Variants in TBX1 observed in about 807,000 individuals in gnomAD.
TBX1 encodes T-box transcription factor TBX1.
A neutral mutation model predicts 40.8 loss-of-function variants in TBX1; 16 were observed. The ratio of observed to expected loss-of-function variants is 0.39; its 90% CI spans 0.27 to 0.60. The LOEUF (loss-of-function observed/expected upper bound fraction) is 0.60, where lower values mean the gene tolerates loss of function less well. TBX1 is among the 20% of genes least tolerant of loss of function. The pLI is 0.51. For synonymous variants in TBX1, 403 were observed against 336.8 expected, an observed-to-expected ratio of 1.20 and a Z score of -2.15; for missense variants, 755 against 728.5, an observed-to-expected ratio of 1.04 and a Z score of -0.42.
At chr22:19,764,107 C>T (rs1487706602) in intron 2 of TBX1, 48 bp from the exon 3 acceptor site, 2 of 1,608,226 alleles carry the variant, frequency 1.2e-6, no homozygotes. Flanking sequence ...GGGTCAAGGC[C>T]CTCTGGGTTC....
At chr22:19,782,589 G>C (rs1014176492), downstream of TBX1, among the ~76,000 whole-genome samples, 1 of 152,154 alleles carries the variant, frequency 6.6e-6, no homozygotes, top group South Asian at 2.1e-4. Flanking sequence ...TGCCTGGTGT[G>C]TTGGGACAAG....
At chr22:19,778,784 C>T (rs910021621) in intron 8 of TBX1, among the ~76,000 whole-genome samples, 12 of 151,906 alleles carry the variant, frequency 7.9e-5, no homozygotes, top group African/African-American at 2.7e-4. Context: ...CTGGACGTGG[C>T]GGCAGGTGCC....
intron 8 of TBX1, among the ~76,000 whole-genome samples, chr22:19,774,092 A>G (rs1937030117): frequency 6.6e-6 from 1 of 152,242 alleles, no homozygotes; most frequent in Non-Finnish European, 1.5e-5. Context: ...AAACAAAAAC[A>G]GAAAACAACA....
At chr22:19,763,899 C>T (rs911690345) in intron 2 of TBX1, among the ~76,000 whole-genome samples, 1 of 152,202 alleles carries the variant, frequency 6.6e-6, no homozygotes, top group Non-Finnish European at 1.5e-5. Flanking sequence ...AATGAGATGG[C>T]AGGAGCCCAG....
rs1936783085 is a variant in TBX1 at position 19,764,981 on chromosome 22, A to C, written c.735A>C (p.Arg245Ser). 6.2e-7 allele frequency: 1 copy of C among 1,614,086 alleles called. No homozygotes were observed. Among genetic ancestry groups the C allele is most frequent in the Non-Finnish European group, 8.5e-7 (1 of 1,180,034 alleles). Residue 245 changes from arginine (R) to serine (S), a missense_variant, in exon 4 of 7, where the codon AGA becomes AGC. This residue lies in a region of TBX1 where 144 missense variants were observed against 238.0 expected (regional missense o/e 0.61). Coordinates refer to ENST00000649276, the MANE Select transcript of TBX1 (RefSeq NM_001379200.1). ...AGATTATTCTGAATTCCATGCACAGATACCAGCCCCGCTTCCACGTGGTCT... is the reference window on the plus strand; with the variant it reads ...AGATTATTCTGAATTCCATGCACAGCTACCAGCCCCGCTTCCACGTGGTCT... ...NGHIILNSMH[R>S]YQPRFHVVYV...
At chr22:19,778,744 C>T (rs371053831) in intron 8 of TBX1, among the ~76,000 whole-genome samples, 3 of 152,104 alleles carry the variant, frequency 2.0e-5, no homozygotes, top group Non-Finnish European at 4.4e-5. Context: ...CCCTTTGAAA[C>T]CCCATCTCTA....
At chr22:19,777,658 G>C (rs12165908) in intron 8 of TBX1, among the ~76,000 whole-genome samples, 30,492 of 152,026 alleles carry the variant, frequency 0.2, 3,408 homozygotes, top group East Asian at 0.45. Flanking sequence ...ACCCATTCTG[G>C]GTATCGGTCC....
At chr22:19,757,820 G>C (rs1026847060), upstream of TBX1, among the ~76,000 whole-genome samples, 1 of 152,192 alleles carries the variant, frequency 6.6e-6, no homozygotes, top group Non-Finnish European at 1.5e-5. Flanking sequence ...TCCCCTCAGT[G>C]ACACTGAGAG....
intron 1 of TBX1, 130 bp downstream of exon 1, chr22:19,761,410 TCTGGGCCCCG>T (rs1225933145): frequency 3.2e-6 from 4 of 1,232,190 alleles, no homozygotes; most frequent in Non-Finnish European, 3.1e-6. Context: ...TGCGGGCCCC[TCTGGGCCCCG>T]CTGCCTCCTT....
At position 19,760,882 on chromosome 22, in the gene TBX1, C is replaced by T. The variant is rs1465666571; in HGVS notation, c.39C>T (p.Leu13=). The T allele has an allele frequency of 3.8e-6, 4 of 1,054,740 alleles. No individual in the cohort carries two copies. Among genetic ancestry groups the T allele is most frequent in the Non-Finnish European group, 3.5e-6 (3 of 865,290 alleles). 65.3% of individuals were successfully genotyped at this position (1,054,740 alleles called of 1,614,324 possible). ...TGTCCAGCCCGTGGCTCACGCAGCT[C>T]TCGCATTTCTGCGACGTTGCAGCCT... The part of the protein sequence containing the change: ...SAVSSPWLTQ[L]SHFCDVAAFT... The change falls in exon 1 of 7, where the codon CTC becomes CTT. Residue 13 remains leucine (L), a synonymous_variant. Coordinates refer to ENST00000649276, the MANE Select transcript of TBX1 (RefSeq NM_001379200.1).
At chr22:19,759,084 T>C (rs1229161552), upstream of TBX1, among the ~76,000 whole-genome samples, 1 of 152,112 alleles carries the variant, frequency 6.6e-6, no homozygotes. Context: ...ATGGGTGCCC[T>C]GCCACCTCGG....
chr22:19,776,342 T>C (rs1937064969), intron 8 of TBX1, among the ~76,000 whole-genome samples: 1 of 152,086 alleles, frequency 6.6e-6, no homozygotes, highest in African/African-American at 2.4e-5. Context: ...GAAGGCCCAG[T>C]CCTCCCTCAC....
At position 19,766,875 on chromosome 22, in the gene TBX1, C is replaced by T; in HGVS notation, c.*8C>T. Reference sequence around the variant, plus strand: ...GACTATTGCCCCAGATAACACGGGCCCTGTCGCGCTCCCGCCCCGGTCCTG... The same window carrying T: ...GACTATTGCCCCAGATAACACGGGCTCTGTCGCGCTCCCGCCCCGGTCCTG... On this transcript the variant is annotated 3_prime_UTR_variant, in exon 7 of 7. Coordinates refer to ENST00000649276, the MANE Select transcript of TBX1 (RefSeq NM_001379200.1). The T allele has an allele frequency of 1.3e-6, 2 of 1,586,020 alleles. No individual in the cohort carries two copies. Among genetic ancestry groups the T allele is most frequent in the Non-Finnish European group, 1.7e-6 (2 of 1,174,414 alleles).
upstream of TBX1, among the ~76,000 whole-genome samples, chr22:19,758,734 G>A (rs1475193766): frequency 1.3e-5 from 2 of 151,470 alleles, no homozygotes; most frequent in African/African-American, 2.4e-5. Context: ...CCCACCCTCC[G>A]GATGTATAAG....
At chr22:19,772,642 C>T (rs975832687) in intron 8 of TBX1, among the ~76,000 whole-genome samples, 1 of 152,112 alleles carries the variant, frequency 6.6e-6, no homozygotes, top group Admixed American at 6.5e-5. Flanking sequence ...TTTTTTTCCC[C>T]TCCGTTTCTG....
At chr22:19,758,600 G>A (rs981239062), upstream of TBX1, among the ~76,000 whole-genome samples, 6 of 152,142 alleles carry the variant, frequency 3.9e-5, no homozygotes, top group Non-Finnish European at 5.9e-5. Context: ...GGCAGCATAC[G>A]ACCCAGTGGC....
chr22:19,764,842 C>T, intron 3 of TBX1, 116 bp from the exon 4 acceptor site: 1 of 1,305,054 alleles, frequency 7.7e-7, no homozygotes, highest in Non-Finnish European at 1.1e-6. Context: ...AAGGGTTTTG[C>T]CCAACTCATC....
chr22:19,765,877 G>C, intron 5 of TBX1, 25 bp from the exon 6 acceptor site: 4 of 1,553,046 alleles, frequency 2.6e-6, no homozygotes, highest in Non-Finnish European at 2.6e-6. Context: ...CGCAGGCGCC[G>C]CCCTGATCCG....
downstream of TBX1, among the ~76,000 whole-genome samples, chr22:19,771,260 C>T (rs1936985822): frequency 6.6e-6 from 1 of 152,232 alleles, no homozygotes; most frequent in Admixed American, 6.5e-5. Context: ...CTAGGGAGGG[C>T]AGGATGAGAC....
Sources: gnomAD v4.1 joint callset for allele counts (sites outside exome capture counted in the v4.1 genomes callset) on GRCh38, gnomAD v4.1.1 for gene constraint, gnomAD v4.1.1 regional missense constraint, MANE v1.5 for transcripts, NCBI Gene and HGNC (gene_info 2026-07-23, HGNC 2026-07-21) for gene names.